SLCO1B1: variants seen among roughly 807,000 people sequenced by gnomAD.
SLCO1B1 encodes the protein solute carrier organic anion transporter family member 1B1.
Under a neutral mutation model 70.1 loss-of-function variants are expected in SLCO1B1, and 81 were observed. That is an observed-to-expected ratio of 1.16 (90% CI 0.97 to 1.39). The LOEUF (loss-of-function observed/expected upper bound fraction) is 1.39. Among genes scored for constraint, SLCO1B1 ranks in the 40% most tolerant of loss-of-function variants. The pLI is 0.00. For synonymous variants in SLCO1B1, 283 were observed against 271.5 expected, an observed-to-expected ratio of 1.04 and a Z score of -0.42; for missense variants, 895 against 799.6, an observed-to-expected ratio of 1.12 and a Z score of -1.44.
chr12:21,203,366 C>A (rs1324179287), intron 10 of SLCO1B1, among the ~76,000 whole-genome samples: 2 of 151,950 alleles, frequency 1.3e-5, no homozygotes, highest in Non-Finnish European at 2.9e-5. Context: ...ACAGTCTCCA[C>A]CTCAAATCAA....
At chr12:21,131,416 G>A (rs1448154783) in intron 1 of SLCO1B1, among the ~76,000 whole-genome samples, 180 bp downstream of exon 1, 5 of 151,888 alleles carry the variant, frequency 3.3e-5, no homozygotes, top group African/African-American at 4.8e-5. Context: ...AGAGCCTCAG[G>A]TTTATATACT....
chr12:21,227,420 G>C (rs1483472286), intron 14 of SLCO1B1, among the ~76,000 whole-genome samples: 1 of 152,030 alleles, frequency 6.6e-6, no homozygotes, highest in Non-Finnish European at 1.5e-5. Flanking sequence ...CTGGAGTAAA[G>C]ACCTAGGATC....
At chr12:21,171,617 C>A (rs1285153316) in intron 2 of SLCO1B1, among the ~76,000 whole-genome samples, 2 of 152,070 alleles carry the variant, frequency 1.3e-5, no homozygotes, top group Non-Finnish European at 2.9e-5. Flanking sequence ...GTGGTGGAAA[C>A]CACTGGGAAA....
chr12:21,218,037 A>AG (rs1332614040), intron 12 of SLCO1B1, among the ~76,000 whole-genome samples: 1 of 152,194 alleles, frequency 6.6e-6, no homozygotes, highest in African/African-American at 2.4e-5. Context: ...TTTAGGATTG[A>AG]GGTGGGGGGC....
chr12:21,209,296 A>G (rs944536256), intron 11 of SLCO1B1, among the ~76,000 whole-genome samples: 2 of 151,218 alleles, frequency 1.3e-5, no homozygotes, highest in African/African-American at 4.9e-5. Flanking sequence ...CCTATGAGTG[A>G]GAATATGCGG....
chr12:21,168,701 A>G (rs1377185661), intron 2 of SLCO1B1, among the ~76,000 whole-genome samples: 1 of 152,154 alleles, frequency 6.6e-6, no homozygotes, highest in South Asian at 2.1e-4. Flanking sequence ...AGAAATGTCT[A>G]TGTAAGTCCT....
chr12:21,156,675 C>T (rs1011511475), intron 2 of SLCO1B1, among the ~76,000 whole-genome samples: 1 of 152,118 alleles, frequency 6.6e-6, no homozygotes, highest in Non-Finnish European at 1.5e-5. Flanking sequence ...AAACAAGAAC[C>T]TTTAAAAAAG....
intron 12 of SLCO1B1, among the ~76,000 whole-genome samples, chr12:21,217,511 T>G (rs923525091): frequency 1.3e-5 from 2 of 152,140 alleles, no homozygotes; most frequent in Non-Finnish European, 2.9e-5. Context: ...AAAGTCCAGA[T>G]TCCATACGTT....
intron 14 of SLCO1B1, among the ~76,000 whole-genome samples, chr12:21,231,613 A>G (rs1413011888): frequency 6.6e-6 from 1 of 152,142 alleles, no homozygotes; most frequent in Non-Finnish European, 1.5e-5. Context: ...AAGAAGAGAA[A>G]AAGCACAAAG....
At chr12:21,176,267 A>G (rs979068144) in intron 4 of SLCO1B1, among the ~76,000 whole-genome samples, 3 of 152,092 alleles carry the variant, frequency 2.0e-5, no homozygotes, top group African/African-American at 7.2e-5. Context: ...GTACCTAATT[A>G]TTTATGGATA....
chr12:21,155,368 T>C (rs1940529540), intron 2 of SLCO1B1, among the ~76,000 whole-genome samples: 1 of 152,078 alleles, frequency 6.6e-6, no homozygotes, highest in African/African-American at 2.4e-5. Flanking sequence ...GTACTCCATA[T>C]TTTCTACTTG....
rs369889408 is a variant in SLCO1B1 at position 21,178,098 on chromosome 12, T to C, written c.482-478T>C. Among the ~76,000 whole-genome samples, 15 of 152,268 alleles carry C rather than the reference T, an allele frequency of 9.9e-5. No homozygotes were observed. The East Asian group carries it at 2.3e-3, about 23-fold the overall frequency. On this transcript the variant is annotated intron_variant, in intron 5 of 14. Transcript: ENST00000256958. ...TGGCTTGACTGTGTCCCCACTCAAA[T>C]ATCACCTTGATTGTAATAATCTCCA...
intron 2 of SLCO1B1, among the ~76,000 whole-genome samples, chr12:21,152,533 C>CTTTTTTTTTTTTTT (rs71043250): frequency 0.053 from 1,811 of 34,326 alleles, 734 homozygotes; most frequent in East Asian, 0.2. Context: ...AGAGGAGAGG[C>CTTTTTTTTTTTTTT]TTTTTTTTTT....
chr12:21,235,687 G>A (rs12829704), intron 14 of SLCO1B1, among the ~76,000 whole-genome samples: 19,838 of 151,832 alleles, frequency 0.13, 1,629 homozygotes, highest in Non-Finnish European at 0.18. Context: ...GTATTGGTCT[G>A]TTTTTTCCTG....
chr12:21,199,239 T>G (rs74066311), intron 8 of SLCO1B1, among the ~76,000 whole-genome samples: 1,541 of 152,258 alleles, frequency 0.01, 37 homozygotes, highest in South Asian at 0.04. Flanking sequence ...TATTTCAAAG[T>G]CCGTATCATC....
chr12:21,209,617 C>A (rs1459928036), intron 11 of SLCO1B1, among the ~76,000 whole-genome samples: 1 of 152,062 alleles, frequency 6.6e-6, no homozygotes, highest in East Asian at 1.9e-4. Context: ...AGTTCTAGAT[C>A]TCTGAGGAAT....
At chr12:21,213,739 T>C (rs1411238520) in intron 11 of SLCO1B1, among the ~76,000 whole-genome samples, 1 of 146,258 alleles carries the variant, frequency 6.8e-6, no homozygotes, top group African/African-American at 2.5e-5. Context: ...CATAGTCCCA[T>C]ATTTCTTGGA....
At chr12:21,131,763 G>A (rs1365707382) in intron 1 of SLCO1B1, among the ~76,000 whole-genome samples, 2 of 152,032 alleles carry the variant, frequency 1.3e-5, no homozygotes, top group African/African-American at 4.8e-5. Flanking sequence ...AGGGTGAAGG[G>A]AAATATATTT....
At chr12:21,189,071 G>A (rs765101514) in intron 7 of SLCO1B1, among the ~76,000 whole-genome samples, 6 of 152,140 alleles carry the variant, frequency 3.9e-5, no homozygotes, top group African/African-American at 9.7e-5. Flanking sequence ...TGCAATGAAC[G>A]TGCAAATGCA....
Sources: allele counts gnomAD v4.1 joint callset (sites outside exome capture counted in the v4.1 genomes callset), GRCh38; gene constraint gnomAD v4.1.1; transcripts MANE v1.5; gene names NCBI Gene and HGNC (gene_info 2026-07-23, HGNC 2026-07-21).